Variants in SMARCAD1 observed in about 807,000 individuals in gnomAD.
SMARCAD1 encodes SNF2 related chromatin remodeling ATPase with DExD box 1.
A neutral mutation model predicts 127.1 loss-of-function variants in SMARCAD1; 25 were observed. The observed-to-expected ratio is 0.20, with a 90% CI of 0.14 to 0.27. The LOEUF (loss-of-function observed/expected upper bound fraction) is 0.27. Among genes scored for constraint, SMARCAD1 ranks in the 10% least tolerant of loss-of-function variants. The probability of loss-of-function intolerance (pLI) is 1.00; values close to 1 mark genes in which losing one functional copy is unlikely to be tolerated. For synonymous variants in SMARCAD1, 400 were observed against 396.9 expected, an observed-to-expected ratio of 1.01 and a Z score of -0.09; for missense variants, 807 against 1,206.0, an observed-to-expected ratio of 0.67 and a Z score of 4.90.
At chr4:94,218,717 TAG>T (rs1184977253) in intron 2 of SMARCAD1, among the ~76,000 whole-genome samples, 1 of 152,228 alleles carries the variant, frequency 6.6e-6, no homozygotes, top group African/African-American at 2.4e-5. Context: ...GGGTATTTAT[TAG>T]AGAGTTTGAT....
rs752174439 is a variant in SMARCAD1, at chr4:94,280,589, A to T, written c.2419-3A>T. 6.3e-7 allele frequency: 1 copy of T among 1,597,754 alleles called. No individual in the cohort carries two copies. Among genetic ancestry groups the T allele is most frequent in the Non-Finnish European group, 8.6e-7 (1 of 1,166,174 alleles). The stretch of plus-strand genomic sequence containing the variant: ...AGTATACTGTGTTTTGTTTTGTTTT[A>T]AGGAACCTACACATTGTGAGGCTAA... On this transcript the variant is annotated splice_polypyrimidine_tract_variant and splice_region_variant and intron_variant, in intron 19 of 23. Transcript: ENST00000354268.
chr4:94,237,877 A>C (rs528868653), intron 5 of SMARCAD1, among the ~76,000 whole-genome samples: 1 of 152,264 alleles, frequency 6.6e-6, no homozygotes, highest in African/African-American at 2.4e-5. Context: ...ATATAGGCTA[A>C]ATTTCAAACT....
At position 94,208,518 on chromosome 4, in the gene SMARCAD1, G is replaced by A. The variant is rs1261850925; in HGVS notation, c.124G>A (p.Glu42Lys). 1.9e-6 allele frequency: 3 copies of A among 1,614,036 alleles called. No individual in the cohort carries two copies. The highest frequency in any genetic ancestry group is 2.5e-6 in the Non-Finnish European group (3 of 1,180,040). The change falls in exon 2 of 24, where the codon GAG becomes AAG. Residue 42 changes from glutamate to lysine, a missense_variant. Transcript: ENST00000354268. ...PSSPISLSAE[E>K]ENAEGEVSRA... is the part of the protein sequence containing the mutation. ...TTCACCAATTTCTCTTAGTGCTGAA[G>A]AGGAGAATGCTGAAGGGGAAGTTAG...
At chr4:94,284,576 GTTTTTTTTTTTTTTC>G (rs1360527880) in intron 22 of SMARCAD1, among the ~76,000 whole-genome samples, 7 of 135,300 alleles carry the variant, frequency 5.2e-5, no homozygotes, top group Non-Finnish European at 7.9e-5. Context: ...TTTGGTTTTT[GTTTTTTTTTTTTTTC>G]GTTTTTTTTT....
chr4:94,238,498 T>C (rs1747061541), intron 5 of SMARCAD1, among the ~76,000 whole-genome samples: 1 of 151,954 alleles, frequency 6.6e-6, no homozygotes, highest in African/African-American at 2.4e-5. Flanking sequence ...AAGTTAGAGG[T>C]GAATGTTAGC....
intron 9 of SMARCAD1, among the ~76,000 whole-genome samples, chr4:94,254,948 TAATAA>T (rs1440535411): frequency 1.3e-5 from 2 of 152,174 alleles, no homozygotes; most frequent in African/African-American, 4.8e-5. Flanking sequence ...TTTAATATCT[TAATAA>T]AATTATCAAA....
At chr4:94,259,880 A>G (rs941707519) in intron 9 of SMARCAD1, among the ~76,000 whole-genome samples, 3 of 152,200 alleles carry the variant, frequency 2.0e-5, no homozygotes, top group Admixed American at 2.0e-4. Context: ...CTTAATATCA[A>G]AATATTCAGA....
At chr4:94,276,749 CTATT>C (rs765988474) in intron 15 of SMARCAD1, among the ~76,000 whole-genome samples, 3 of 152,092 alleles carry the variant, frequency 2.0e-5, no homozygotes, top group East Asian at 1.9e-4. Context: ...ATATGTTAAA[CTATT>C]TATAAATAAT....
intron 6 of SMARCAD1, among the ~76,000 whole-genome samples, chr4:94,246,151 G>A (rs1560535631): frequency 1.4e-5 from 2 of 146,598 alleles, no homozygotes; most frequent in Admixed American, 7.0e-5. Flanking sequence ...ATGGAGTCTC[G>A]CACTGTTGTC....
chr4:94,208,513 C>T lies in SMARCAD1; in HGVS notation c.119C>T (p.Ala40Val). The T allele has an allele frequency of 1.2e-6, 2 of 1,614,076 alleles. No homozygotes were observed. The highest frequency in any genetic ancestry group is 1.7e-6 in the Non-Finnish European group (2 of 1,179,982). Reference protein sequence around the residue: ...PGPSSPISLSAEEENAEGEVS... With the variant: ...PGPSSPISLSVEEENAEGEVS... Reference sequence around the variant, plus strand: ...CCTTCTTCACCAATTTCTCTTAGTGCTGAAGAGGAGAATGCTGAAGGGGAA... The same window carrying T: ...CCTTCTTCACCAATTTCTCTTAGTGTTGAAGAGGAGAATGCTGAAGGGGAA... The change falls in exon 2 of 24, where the codon GCT becomes GTT. Residue 40 changes from alanine (A) to valine (V), a missense_variant. Physicochemically the swap from Ala to Val is moderately conservative, Grantham distance 64 (BLOSUM62 0). Coordinates refer to ENST00000354268, the MANE Select transcript of SMARCAD1 (RefSeq NM_020159.5).
intron 14 of SMARCAD1, among the ~76,000 whole-genome samples, chr4:94,275,920 C>T (rs912413576): frequency 6.6e-6 from 1 of 151,524 alleles, no homozygotes; most frequent in African/African-American, 2.4e-5. Flanking sequence ...GCCTCAGCCT[C>T]CTGAATAGCT....
Position 94,237,087 on chromosome 4 carries a change from A to T in SMARCAD1, c.604+69A>T. On this transcript the variant is annotated intron_variant, in intron 5 of 23. Coordinates refer to ENST00000354268, the MANE Select transcript of SMARCAD1 (RefSeq NM_020159.5). ...TCATAATAATAGTACCTTCTCATTA[A>T]TATTGCTCCACAGTTTATCAAACAC... 3 of 1,206,256 alleles carry T rather than the reference A, an allele frequency of 2.5e-6. No individual in the cohort carries two copies. The South Asian group carries it at 3.6e-5, about 15-fold the overall frequency. 74.7% of individuals were successfully genotyped at this position (1,206,256 alleles called of 1,614,324 possible).
At chr4:94,242,632 A>G (rs1747767370) in intron 6 of SMARCAD1, among the ~76,000 whole-genome samples, 1 of 151,640 alleles carries the variant, frequency 6.6e-6, no homozygotes, top group Non-Finnish European at 1.5e-5. Context: ...GGCTGGGTGC[A>G]TTAGCTTATG....
intron 5 of SMARCAD1, among the ~76,000 whole-genome samples, chr4:94,239,723 C>G (rs1747294801): frequency 6.6e-6 from 1 of 152,022 alleles, no homozygotes; most frequent in South Asian, 2.1e-4. Context: ...CAGGCATGCA[C>G]CACCACGCCT....
chr4:94,233,846 T>G (rs770399512), intron 3 of SMARCAD1, 108 bp from the exon 4 acceptor site: 1 of 1,158,872 alleles, frequency 8.6e-7, no homozygotes, highest in Non-Finnish European at 1.3e-6. Context: ...CATTTACTAT[T>G]GAAAAGAACT....
At chr4:94,216,433 G>A (rs1743198012) in intron 2 of SMARCAD1, among the ~76,000 whole-genome samples, 1 of 152,000 alleles carries the variant, frequency 6.6e-6, no homozygotes, top group South Asian at 2.1e-4. Context: ...TTTTCCTCTA[G>A]TATGTCTGTT....
At chr4:94,281,396 A>G in intron 20 of SMARCAD1, 76 bp from the exon 21 acceptor site, 1 of 971,214 alleles carries the variant, frequency 1.0e-6, no homozygotes, top group Non-Finnish European at 1.7e-6. Flanking sequence ...TAACACTTCT[A>G]ACTGTTTAAA....
intron 19 of SMARCAD1, 38 bp downstream of exon 19, chr4:94,279,088 A>T: frequency 6.2e-7 from 1 of 1,612,714 alleles, no homozygotes; most frequent in Non-Finnish European, 8.5e-7. Flanking sequence ...AAGCTTTAAT[A>T]AGAGGTTAAG....
chr4:94,272,288 G>C (rs576185773), intron 11 of SMARCAD1, among the ~76,000 whole-genome samples: 1 of 152,232 alleles, frequency 6.6e-6, no homozygotes, highest in African/African-American at 2.4e-5. Context: ...TGTATTGTCA[G>C]TGGGAAGGAG....
Sources: gnomAD v4.1 joint callset for allele counts (sites outside exome capture counted in the v4.1 genomes callset) on GRCh38, gnomAD v4.1.1 for gene constraint, MANE v1.5 for transcripts, NCBI Gene and HGNC (gene_info 2026-07-23, HGNC 2026-07-21) for gene names.